The following ALDH1L1 variants were observed in gnomAD, a reference collection of about 807,000 sequenced individuals.
ALDH1L1 encodes cytosolic 10-formyltetrahydrofolate dehydrogenase.
In ALDH1L1, 68 loss-of-function variants were observed where a neutral mutation model predicts 101.1. The observed-to-expected ratio is 0.67, with a 90% CI of 0.55 to 0.82. ALDH1L1 has a LOEUF of 0.82. ALDH1L1 is among the 40% of genes least tolerant of loss of function. The probability of loss-of-function intolerance (pLI) is 0.00; values close to 1 mark genes in which losing one functional copy is unlikely to be tolerated. For missense variants in ALDH1L1, 1,087 were observed against 1,172.7 expected (o/e 0.93, Z 1.07); for synonymous variants, 486 against 470.8 (o/e 1.03, Z -0.42).
chr3:126,185,097 AG>A (rs1332559442), upstream of ALDH1L1, among the ~76,000 whole-genome samples: 4 of 152,290 alleles, frequency 2.6e-5, no homozygotes, highest in Admixed American at 2.6e-4. Context: ...AGGCGAAGGT[AG>A]GGATGAGACT....
rs578050403 is a variant in ALDH1L1 at position 126,157,587 on chromosome 3, G to T, written c.363-79C>A. On this transcript the variant is annotated intron_variant, in intron 3 of 22. Transcript: ENST00000393434. ...GTCCTGGGTACAGGCCCGTGGACCTGCCACCCTCCAGGAGGCCCTCTCTTC... is the reference window on the plus strand; with the variant it reads ...GTCCTGGGTACAGGCCCGTGGACCTTCCACCCTCCAGGAGGCCCTCTCTTC... 17 of 1,498,122 alleles carry T rather than the reference G, an allele frequency of 1.1e-5. No homozygotes were observed. The African/African-American group carries it at 1.8e-4, about 16-fold the overall frequency. The allele number at this position is 1,498,122 out of a possible 1,614,324, so 92.8% of individuals were successfully genotyped here. A position where few individuals can be genotyped will look rare whatever the true frequency, so the allele number is the denominator to read the frequency against.
At position 126,109,275 on chromosome 3, in the gene ALDH1L1, C is replaced by T. The variant is rs541110957; in HGVS notation, c.2347+669G>A. Among the ~76,000 whole-genome samples the T allele has an allele frequency of 2.6e-5, 4 of 152,214 alleles. No homozygotes were observed. The South Asian group carries it at 6.2e-4, about 24-fold the overall frequency. ...AGCAGCAGCGTCAACGGTCCATCCC[C>T]GTGGCTGCTGCGCTTCTGGCCTGGA... On this transcript the variant is annotated intron_variant, in intron 20 of 22. Coordinates refer to ENST00000393434, the MANE Select transcript of ALDH1L1 (RefSeq NM_012190.4).
At position 126,140,414 on chromosome 3, in the gene ALDH1L1, T is replaced by G. The variant is rs137938925; in HGVS notation, c.1077-2454A>C. Among the ~76,000 whole-genome samples the G allele has an allele frequency of 7.5e-4, 114 of 152,230 alleles. 1 individual carries two copies. Among genetic ancestry groups the G allele is most frequent in the African/African-American group, 2.6e-3 (110 of 41,544 alleles). The stretch of plus-strand genomic sequence containing the variant: ...CCTAGAAGAAATGCTGAAAAGAGTC[T>G]TTCAGGCTGAGATAAAAGTACCATA... On this transcript the variant is annotated intron_variant, in intron 9 of 22. Coordinates refer to ENST00000393434, the MANE Select transcript of ALDH1L1 (RefSeq NM_012190.4).
intron 1 of ALDH1L1, among the ~76,000 whole-genome samples, chr3:126,188,084 A>C (rs2081531503): frequency 6.6e-6 from 1 of 152,226 alleles, no homozygotes; most frequent in Non-Finnish European, 1.5e-5. Context: ...GTTGCAGCTC[A>C]GCATTGTATC....
At chr3:126,107,989 C>T (rs1313693153) in intron 20 of ALDH1L1, 1 of 152,214 alleles carries the variant, frequency 6.6e-6, no homozygotes, top group Non-Finnish European at 1.5e-5. Flanking sequence ...AATTTTCTCA[C>T]TCTAGTTTTT....
At chr3:126,149,956 C>T (rs773343385) in intron 8 of ALDH1L1, among the ~76,000 whole-genome samples, 58 of 152,182 alleles carry the variant, frequency 3.8e-4, no homozygotes, top group South Asian at 2.1e-3. Flanking sequence ...GAGACGAAAG[C>T]TCCCTACAGC....
intron 4 of ALDH1L1, among the ~76,000 whole-genome samples, chr3:126,156,887 T>C (rs1313482908): frequency 6.6e-6 from 1 of 152,178 alleles, no homozygotes; most frequent in Non-Finnish European, 1.5e-5. Context: ...GAATCAAGAA[T>C]TAGAATCCTT....
intron 1 of ALDH1L1, among the ~76,000 whole-genome samples, chr3:126,166,527 T>C (rs2081171146): frequency 6.6e-6 from 1 of 152,218 alleles, no homozygotes; most frequent in South Asian, 2.1e-4. Flanking sequence ...AAAAAGTTTT[T>C]TTCTCAGCCA....
At chr3:126,104,255 T>G in intron 22 of ALDH1L1, 1 of 230,560 alleles carries the variant, frequency 4.3e-6, no homozygotes. Flanking sequence ...CGCAGGGCCC[T>G]GAGGCCCCAG....
At chr3:126,122,257 C>T (rs1333932518) in intron 16 of ALDH1L1, among the ~76,000 whole-genome samples, 1 of 152,114 alleles carries the variant, frequency 6.6e-6, no homozygotes, top group Admixed American at 6.6e-5. Flanking sequence ...GCAAGGAGCA[C>T]TGTAAAGGTA....
chr3:126,107,368 C>T, intron 20 of ALDH1L1, 122 bp from the exon 21 acceptor site: 2 of 773,332 alleles, frequency 2.6e-6, no homozygotes, highest in Non-Finnish European at 4.5e-6. Flanking sequence ...AGCACCGGGT[C>T]ACGGCACCCG....
At chr3:126,147,846 A>G (rs2080726918) in intron 8 of ALDH1L1, among the ~76,000 whole-genome samples, 1 of 152,044 alleles carries the variant, frequency 6.6e-6, no homozygotes, top group Admixed American at 6.5e-5. Context: ...CCTCAGGGCG[A>G]GCATCAACAC....
At chr3:126,112,249 G>T (rs1209376440) in intron 19 of ALDH1L1, among the ~76,000 whole-genome samples, 1 of 152,232 alleles carries the variant, frequency 6.6e-6, no homozygotes, top group Non-Finnish European at 1.5e-5. Flanking sequence ...TGGCTGCAGA[G>T]CCTGACGGGA....
chr3:126,160,803 G>A (rs926892582), intron 2 of ALDH1L1, 50 bp downstream of exon 2: 2 of 1,597,732 alleles, frequency 1.3e-6, no homozygotes, highest in Non-Finnish European at 8.5e-7. Context: ...CTTCTACCTG[G>A]ATGGGCGGGC....
Position 126,118,112 on chromosome 3 carries a change from G to A in ALDH1L1, c.1889-14C>T, listed in dbSNP as rs768620795. The A allele has an allele frequency of 6.2e-7, 1 of 1,605,884 alleles. No individual in the cohort carries two copies. The highest frequency in any genetic ancestry group is 8.5e-7 in the Non-Finnish European group (1 of 1,174,290). ...CGACCAGGGAGCCTGTGGGCGGGAG[G>A]GAGGGGGGAATCAGAGTGGTCCCCC... On this transcript the variant is annotated splice_polypyrimidine_tract_variant and intron_variant, in intron 16 of 22. Coordinates refer to ENST00000393434, the MANE Select transcript of ALDH1L1 (RefSeq NM_012190.4).
intron 9 of ALDH1L1, among the ~76,000 whole-genome samples, chr3:126,139,759 G>A (rs751655907): frequency 4.6e-5 from 7 of 152,112 alleles, no homozygotes; most frequent in African/African-American, 7.2e-5. Flanking sequence ...GAGCTGGCAA[G>A]TAGAATAACT....
chr3:126,134,076 C>G (rs1250697263), intron 12 of ALDH1L1, among the ~76,000 whole-genome samples: 1 of 152,220 alleles, frequency 6.6e-6, no homozygotes, highest in Non-Finnish European at 1.5e-5. Flanking sequence ...TTCCCTAACA[C>G]CCACGGTGGT....
At chr3:126,180,953 GC>G (rs778262664), upstream of ALDH1L1, 4 of 1,610,498 alleles carry the variant, frequency 2.5e-6, 1 homozygote, top group South Asian at 3.3e-5. Flanking sequence ...CTCTTGATGG[GC>G]CAAGTACCTG....
rs564699876 is a variant in ALDH1L1 at position 126,135,430 on chromosome 3, C to T, written c.1472+105G>A. On this transcript the variant is annotated intron_variant, in intron 12 of 22. Coordinates refer to ENST00000393434, the MANE Select transcript of ALDH1L1 (RefSeq NM_012190.4). ...CTCGGTCCCATAGCCTCCCCAGGAC[C>T]CAGCTCCTCCTGGCAGGTAAAAGGG... 1.9e-5 allele frequency: 28 copies of T among 1,500,004 alleles called. No homozygotes were observed. In the African/African-American group the frequency reaches 2.8e-4, roughly 15 times the overall value. 92.9% of individuals were successfully genotyped at this position (1,500,004 alleles called of 1,614,324 possible). A position where few individuals can be genotyped will look rare whatever the true frequency, so the allele number is the denominator to read the frequency against.
Sources: allele counts gnomAD v4.1 joint callset (sites outside exome capture counted in the v4.1 genomes callset), GRCh38; gene constraint gnomAD v4.1.1; transcripts MANE v1.5; gene names NCBI Gene and HGNC (gene_info 2026-07-23, HGNC 2026-07-21).